The following ARHGAP44 variants were observed in gnomAD, a reference collection of about 807,000 sequenced individuals.
The protein encoded by ARHGAP44 is Rho GTPase activating protein 44, also known as rho GTPase-activating protein 44.
In ARHGAP44, 43 loss-of-function variants were observed where a neutral mutation model predicts 106.8. The ratio of observed to expected loss-of-function variants is 0.40; its 90% CI spans 0.32 to 0.52. ARHGAP44 has a LOEUF of 0.52. ARHGAP44 is among the 20% of genes least tolerant of loss of function. ARHGAP44 has a pLI of 0.48. For synonymous variants in ARHGAP44, 439 were observed against 410.3 expected, an observed-to-expected ratio of 1.07 and a Z score of -0.85; for missense variants, 866 against 1,050.5, an observed-to-expected ratio of 0.82 and a Z score of 2.43.
chr17:12,860,856 C>CTTTTTTT (rs71144929), intron 1 of ARHGAP44, among the ~76,000 whole-genome samples: 2 of 135,812 alleles, frequency 1.5e-5, no homozygotes, highest in African/African-American at 5.8e-5. Context: ...TTTTTCTATT[C>CTTTTTTT]TTTTTTTTTT....
intron 3 of ARHGAP44, among the ~76,000 whole-genome samples, chr17:12,902,596 T>C (rs1182096879): frequency 6.6e-6 from 1 of 152,148 alleles, no homozygotes; most frequent in Non-Finnish European, 1.5e-5. Context: ...GTGTCATGAA[T>C]GGATGGTCTG....
At chr17:12,875,160 A>G (rs983201281) in intron 1 of ARHGAP44, among the ~76,000 whole-genome samples, 3 of 152,174 alleles carry the variant, frequency 2.0e-5, no homozygotes, top group African/African-American at 7.2e-5. Flanking sequence ...TTCTGATTCT[A>G]TGGGTCTGAG....
intron 1 of ARHGAP44, among the ~76,000 whole-genome samples, chr17:12,891,279 G>T (rs182997300): frequency 1.5e-4 from 23 of 152,190 alleles, no homozygotes; most frequent in Non-Finnish European, 2.8e-4. Context: ...TCACTCTCTG[G>T]TACCAATTGT....
intron 3 of ARHGAP44, among the ~76,000 whole-genome samples, chr17:12,898,836 G>T (rs1287311855): frequency 6.6e-6 from 1 of 152,206 alleles, no homozygotes; most frequent in Non-Finnish European, 1.5e-5. Context: ...ACACACAGTG[G>T]TTGTTACCAG....
At chr17:12,952,722 C>CTCTTT in intron 13 of ARHGAP44, 141 bp downstream of exon 13, 1 of 304,792 alleles carries the variant, frequency 3.3e-6, no homozygotes. Context: ...TGCATGGTCT[C>CTCTTT]TTTTTTTTTT....
chr17:12,798,953 T>C (rs976990386), intron 1 of ARHGAP44, among the ~76,000 whole-genome samples: 1 of 152,218 alleles, frequency 6.6e-6, no homozygotes, highest in Non-Finnish European at 1.5e-5. Context: ...AAAGCATTCA[T>C]TATACTATGA....
chr17:12,886,219 T>C (rs1214093611), intron 1 of ARHGAP44, among the ~76,000 whole-genome samples: 1 of 152,170 alleles, frequency 6.6e-6, no homozygotes, highest in East Asian at 1.9e-4. Context: ...GCCAAGACCG[T>C]ACTCTCTTGA....
At chr17:12,986,940 C>CCCATACGT (rs1162601927) in intron 20 of ARHGAP44, 1 of 644,162 alleles carries the variant, frequency 1.6e-6, no homozygotes, top group Non-Finnish European at 2.6e-6. Flanking sequence ...GTTGTTTTGT[C>CCCATACGT]CCATACGTTC....
intron 1 of ARHGAP44, among the ~76,000 whole-genome samples, chr17:12,867,122 T>A (rs1266420799): frequency 6.6e-6 from 1 of 150,894 alleles, no homozygotes; most frequent in Non-Finnish European, 1.5e-5. Flanking sequence ...AGAGGAGAGA[T>A]CTAGTATGTT....
chr17:12,797,523 A>G (rs745465053), intron 1 of ARHGAP44, among the ~76,000 whole-genome samples: 2 of 152,158 alleles, frequency 1.3e-5, no homozygotes, highest in Non-Finnish European at 2.9e-5. Context: ...CCAGATAAGC[A>G]GTGGTGGGTT....
At chr17:12,914,146 G>A (rs147507911) in intron 4 of ARHGAP44, among the ~76,000 whole-genome samples, 46 of 152,160 alleles carry the variant, frequency 3.0e-4, no homozygotes, top group Admixed American at 1.3e-3. Context: ...AAATAGCCAA[G>A]GAATATGAAC....
chr17:12,879,309 C>G (rs767669821), intron 1 of ARHGAP44, among the ~76,000 whole-genome samples: 8 of 152,188 alleles, frequency 5.3e-5, no homozygotes, highest in Non-Finnish European at 8.8e-5. Flanking sequence ...TATTTCATTC[C>G]TTTTCATGGC....
Position 12,809,296 on chromosome 17 carries a change from G to A in ARHGAP44, c.53+19405G>A, listed in dbSNP as rs1279056572. ...CATTTTCAGGTATCTTTACAGCAGA[G>A]CCCCACTCCCGGTACCAATTTACTA... On this transcript the variant is annotated intron_variant, in intron 1 of 20. Coordinates refer to ENST00000379672, the MANE Select transcript of ARHGAP44 (RefSeq NM_014859.6). Among the ~76,000 whole-genome samples the A allele has an allele frequency of 2.6e-5, 4 of 152,284 alleles. No homozygotes were observed. The East Asian group carries it at 7.7e-4, about 29-fold the overall frequency.
intron 16 of ARHGAP44, among the ~76,000 whole-genome samples, chr17:12,961,462 T>A (rs11078099): frequency 1.4e-4 from 21 of 152,216 alleles, no homozygotes; most frequent in African/African-American, 5.1e-4. Context: ...AGGCCGGGCG[T>A]GGTGGCTCAC....
chr17:12,916,267 G>A (rs751472175), intron 5 of ARHGAP44, among the ~76,000 whole-genome samples: 2 of 152,096 alleles, frequency 1.3e-5, no homozygotes, highest in South Asian at 2.1e-4. Context: ...CAGCTTACCC[G>A]CTTCCCCACC....
At chr17:12,950,737 G>A (rs1233313270) in intron 12 of ARHGAP44, among the ~76,000 whole-genome samples, 1 of 152,142 alleles carries the variant, frequency 6.6e-6, no homozygotes, top group Non-Finnish European at 1.5e-5. Context: ...ATGAAGGAGG[G>A]AGAAGAATGT....
chr17:12,907,995 T>C (rs1318350743), intron 3 of ARHGAP44, among the ~76,000 whole-genome samples: 1 of 152,164 alleles, frequency 6.6e-6, no homozygotes, highest in East Asian at 1.9e-4. Flanking sequence ...AATATTATTA[T>C]AGCCATCTTA....
chr17:12,818,555 C>T (rs1005017041), intron 1 of ARHGAP44, among the ~76,000 whole-genome samples: 22 of 151,932 alleles, frequency 1.4e-4, no homozygotes, highest in African/African-American at 3.6e-4. Flanking sequence ...TATTTGTAGA[C>T]GATGTGATCA....
At chr17:12,972,736 A>C (rs962679261) in intron 16 of ARHGAP44, among the ~76,000 whole-genome samples, 1 of 149,942 alleles carries the variant, frequency 6.7e-6, no homozygotes, top group African/African-American at 2.4e-5. Flanking sequence ...GTCTCGGCTC[A>C]CTGCAAGCTC....
Sources: allele counts gnomAD v4.1 joint callset (sites outside exome capture counted in the v4.1 genomes callset), GRCh38; gene constraint gnomAD v4.1.1; transcripts MANE v1.5; gene names NCBI Gene and HGNC (gene_info 2026-07-23, HGNC 2026-07-21).